LYZL4: variants seen among roughly 807,000 people sequenced by gnomAD.
LYZL4 encodes lysozyme like 4, also known as lysozyme-like protein 4.
A neutral mutation model predicts 17.6 loss-of-function variants in LYZL4; 13 were observed. The ratio of observed to expected loss-of-function variants is 0.74; its 90% CI spans 0.48 to 1.18. The LOEUF (loss-of-function observed/expected upper bound fraction) is 1.18, where lower values mean the gene tolerates loss of function less well. Ranked by LOEUF, LYZL4 falls within the 50% of genes most tolerant of loss-of-function variation. The pLI is 0.00. For synonymous variants in LYZL4, 64 were observed against 67.7 expected (o/e 0.95, Z 0.27); for missense variants, 174 against 188.2 (o/e 0.92, Z 0.44).
At chr3:42,408,255 C>T (rs2125603913) in intron 1 of LYZL4, among the ~76,000 whole-genome samples, 1 of 152,310 alleles carries the variant, frequency 6.6e-6, no homozygotes, top group Middle Eastern at 3.4e-3. Flanking sequence ...ACTTGGCTTT[C>T]CAAGCCCTCC....
the LYZL4 span, among the ~76,000 whole-genome samples, chr3:42,382,794 A>G: frequency 6.6e-6 from 1 of 151,896 alleles, no homozygotes; most frequent in African/African-American, 2.4e-5. Context: ...GACAAGCAGA[A>G]GAGACAACTG....
At chr3:42,382,098 G>A in the LYZL4 span, among the ~76,000 whole-genome samples, 87,411 of 152,102 alleles carry the variant, frequency 0.57, 26,943 homozygotes, top group East Asian at 0.84. Flanking sequence ...GGACACATAC[G>A]GATCACCTAC....
At chr3:42,373,782 A>G in the LYZL4 span, among the ~76,000 whole-genome samples, 2 of 152,184 alleles carry the variant, frequency 1.3e-5, no homozygotes, top group Non-Finnish European at 2.9e-5. Flanking sequence ...AAGCTTTTTG[A>G]GATGCCTTAA....
the LYZL4 span, among the ~76,000 whole-genome samples, chr3:42,367,681 C>T: frequency 6.6e-6 from 1 of 152,182 alleles, no homozygotes; most frequent in East Asian, 1.9e-4. Flanking sequence ...GGAAGCCCTG[C>T]CTTCCCGAGG....
At chr3:42,384,029 T>C in the LYZL4 span, among the ~76,000 whole-genome samples, 1 of 152,080 alleles carries the variant, frequency 6.6e-6, no homozygotes, top group African/African-American at 2.4e-5. Flanking sequence ...TTGGAGGAAA[T>C]AGACCCCACA....
At chr3:42,376,962 A>G in the LYZL4 span, among the ~76,000 whole-genome samples, 2 of 152,234 alleles carry the variant, frequency 1.3e-5, no homozygotes, top group South Asian at 4.1e-4. Flanking sequence ...TCATTCAGCA[A>G]AAGCAAGGAT....
chr3:42,399,008 C>A (rs1211137488), intron 4 of LYZL4, among the ~76,000 whole-genome samples: 2 of 152,086 alleles, frequency 1.3e-5, no homozygotes, highest in East Asian at 1.9e-4. Context: ...AAGAAAAAAA[C>A]CATTATCAAC....
At chr3:42,394,792 T>C (rs1698529666), downstream of LYZL4, among the ~76,000 whole-genome samples, 1 of 152,086 alleles carries the variant, frequency 6.6e-6, no homozygotes, top group Admixed American at 6.6e-5. Flanking sequence ...AAGTGCCCAT[T>C]AGAGGATGGT....
the LYZL4 span, among the ~76,000 whole-genome samples, chr3:42,375,452 G>A: frequency 7.9e-5 from 12 of 152,200 alleles, no homozygotes; most frequent in African/African-American, 2.4e-4. Context: ...CCAAATGAGC[G>A]AGCCACCAAA....
At chr3:42,407,801 G>A (rs62247335) in intron 1 of LYZL4, among the ~76,000 whole-genome samples, 1 of 151,732 alleles carries the variant, frequency 6.6e-6, no homozygotes, top group East Asian at 1.9e-4. Context: ...CTTATTCCCA[G>A]TTGTGTCTTT....
Position 42,403,530 on chromosome 3 carries a change from C to G in LYZL4, c.371+516G>C, listed in dbSNP as rs111654470. Among the ~76,000 whole-genome samples the G allele has an allele frequency of 5.4e-3, 818 of 152,226 alleles. 8 individuals carry two copies. Among genetic ancestry groups the G allele is most frequent in the African/African-American group, 0.019 (787 of 41,534 alleles). ...ACCTCAGGTGATCCAACTACCTCAG[C>G]CTCCCAAAGTGCTAGGATTACAGGT... On this transcript the variant is annotated intron_variant, in intron 4 of 4. Transcript: ENST00000287748.
chr3:42,374,640 T>TA, the LYZL4 span, among the ~76,000 whole-genome samples: 1 of 152,202 alleles, frequency 6.6e-6, no homozygotes, highest in African/African-American at 2.4e-5. Context: ...ACAACACTGA[T>TA]ACGGCCCTCC....
the LYZL4 span, among the ~76,000 whole-genome samples, chr3:42,365,748 C>T: frequency 6.6e-6 from 1 of 152,170 alleles, no homozygotes; most frequent in Non-Finnish European, 1.5e-5. Flanking sequence ...ATATTTTAAT[C>T]TACCACAAAG....
rs187799828 is a variant in LYZL4 at position 42,405,622 on chromosome 3, G to T, written c.292+1224C>A. ...GCTCTGGAATGGTTCTCACCCATCA[G>T]CGTGGAAAGAGGTTTGCTCATTAGG... is the stretch of plus-strand genomic sequence containing the variant. On this transcript the variant is annotated intron_variant, in intron 3 of 4. Coordinates refer to ENST00000287748, the MANE Select transcript of LYZL4 (RefSeq NM_144634.4). Among the ~76,000 whole-genome samples, 562 of 152,244 alleles carry T rather than the reference G, an allele frequency of 3.7e-3. 2 individuals are homozygous for T. The highest frequency in any genetic ancestry group is 6.0e-3 in the Non-Finnish European group (410 of 68,006).
Position 42,397,303 on chromosome 3 carries a change from C to T in LYZL4, c.403G>A (p.Asp135Asn), listed in dbSNP as rs372425152. The change falls in exon 5 of 5, where the codon GAT becomes AAT. Residue 135 changes from aspartate to asparagine, a missense_variant. By Grantham distance (23) the Asp-to-Asn change is conservative. Transcript: ENST00000287748. Reference sequence around the variant, plus strand: ...CCATCCAGCCACCGTGCCAGGGTATCGGAGTACTGGCAGTACCGGGACCAG... The same window carrying T: ...CCATCCAGCCACCGTGCCAGGGTATTGGAGTACTGGCAGTACCGGGACCAG... ...PTWSRYCQYS[D>N]TLARWLDGCK... 9 of 1,572,892 alleles carry T rather than the reference C, an allele frequency of 5.7e-6. No individual in the cohort carries two copies. The highest frequency in any genetic ancestry group is 4.7e-5 in the South Asian group (4 of 85,222).
chr3:42,374,369 T>A, the LYZL4 span, among the ~76,000 whole-genome samples: 1 of 152,204 alleles, frequency 6.6e-6, no homozygotes, highest in Non-Finnish European at 1.5e-5. Context: ...TGAAATGGAT[T>A]TCTTTTTAGT....
intron 3 of LYZL4, among the ~76,000 whole-genome samples, chr3:42,406,507 C>T (rs1318843740): frequency 1.3e-5 from 2 of 151,138 alleles, no homozygotes; most frequent in Admixed American, 6.6e-5. Flanking sequence ...GAGAGGTGGC[C>T]GAGCGTGGGT....
chr3:42,379,358 C>A, the LYZL4 span, among the ~76,000 whole-genome samples: 2 of 152,138 alleles, frequency 1.3e-5, no homozygotes, highest in East Asian at 3.9e-4. Context: ...GTGTGAGTGC[C>A]AGTTTCTTAA....
At chr3:42,390,545 A>ATT in the LYZL4 span, among the ~76,000 whole-genome samples, 47,399 of 147,024 alleles carry the variant, frequency 0.32, 8,029 homozygotes, top group African/African-American at 0.45. Context: ...AGGAGCAGCT[A>ATT]TTTTTTTTTT....
Sources: gnomAD v4.1 joint callset for allele counts (sites outside exome capture counted in the v4.1 genomes callset) on GRCh38, gnomAD v4.1.1 for gene constraint, MANE v1.5 for transcripts, NCBI Gene and HGNC (gene_info 2026-07-23, HGNC 2026-07-21) for gene names.